CDH13: variants seen among roughly 807,000 people sequenced by gnomAD.
CDH13 encodes the protein cadherin 13, also known as cadherin-13.
A neutral mutation model predicts 63.8 loss-of-function variants in CDH13; 24 were observed. That is an observed-to-expected ratio of 0.38 (90% CI 0.27 to 0.53). The LOEUF is 0.53. Among genes scored for constraint, CDH13 ranks in the 20% least tolerant of loss-of-function variants. The pLI is 0.85. For missense variants in CDH13, 1,049 were observed against 903.1 expected (o/e 1.16, Z -2.07); for synonymous variants, 503 against 355.3 (o/e 1.42, Z -4.67).
chr16:83,147,378 T>G (rs923768237), intron 4 of CDH13, among the ~76,000 whole-genome samples: 1 of 152,182 alleles, frequency 6.6e-6, no homozygotes, highest in East Asian at 1.9e-4. Context: ...CCTGCACCCT[T>G]GCATCTCCTA....
intron 10 of CDH13, among the ~76,000 whole-genome samples, chr16:83,713,429 T>TGG (rs1394180981): frequency 6.6e-6 from 1 of 151,270 alleles, no homozygotes; most frequent in Non-Finnish European, 1.5e-5. Context: ...TATACAGAGT[T>TGG]GGGGAGGGAG....
At chr16:83,340,291 T>C (rs1378181624) in intron 5 of CDH13, among the ~76,000 whole-genome samples, 3 of 130,498 alleles carry the variant, frequency 2.3e-5, no homozygotes, top group Non-Finnish European at 3.2e-5. Flanking sequence ...TGTACATATG[T>C]CTGCCTACAT....
At chr16:82,678,167 T>A (rs1381682136) in intron 1 of CDH13, among the ~76,000 whole-genome samples, 1 of 152,114 alleles carries the variant, frequency 6.6e-6, no homozygotes, top group African/African-American at 2.4e-5. Context: ...TGGCCAAACA[T>A]GCTGTGTATT....
chr16:83,561,228 C>T (rs893614787), intron 7 of CDH13, among the ~76,000 whole-genome samples: 2 of 151,792 alleles, frequency 1.3e-5, no homozygotes, highest in Non-Finnish European at 2.9e-5. Context: ...GGGCAGTTCA[C>T]CTGAGGTTGG....
chr16:83,519,303 G>A lies in CDH13; in HGVS notation c.960+32648G>A, dbSNP rs1035709874. Among the ~76,000 whole-genome samples, 4 of 152,174 alleles carry A rather than the reference G, an allele frequency of 2.6e-5. No homozygotes were observed. In the East Asian group the frequency reaches 7.7e-4, roughly 29 times the overall value. ...AGCATTGGAGTCCAGTGATATCCAA[G>A]GGCCTTTATCAGGAAAACTGCAACA... On this transcript the variant is annotated intron_variant, in intron 7 of 13. Coordinates refer to ENST00000567109, the MANE Select transcript of CDH13 (RefSeq NM_001257.5).
chr16:83,324,028 T>TTTG (rs145755687), intron 5 of CDH13, among the ~76,000 whole-genome samples: 1 of 142,564 alleles, frequency 7.0e-6, no homozygotes, highest in East Asian at 2.0e-4. Context: ...CACAGGTTTA[T>TTTG]TTCTTCTTCT....
intron 12 of CDH13, among the ~76,000 whole-genome samples, chr16:83,781,600 T>C (rs1406050547): frequency 6.6e-6 from 1 of 152,252 alleles, no homozygotes; most frequent in East Asian, 1.9e-4. Context: ...GTCTATTTTA[T>C]TGCTTTTTAA....
intron 1 of CDH13, among the ~76,000 whole-genome samples, chr16:82,742,608 A>G (rs1322242863): frequency 6.6e-6 from 1 of 152,188 alleles, no homozygotes; most frequent in Non-Finnish European, 1.5e-5. Flanking sequence ...TAATTTAAAT[A>G]TGAAATTCTG....
At chr16:83,096,977 C>G (rs937825060) in intron 3 of CDH13, among the ~76,000 whole-genome samples, 12 of 151,886 alleles carry the variant, frequency 7.9e-5, no homozygotes, top group African/African-American at 2.9e-4. Flanking sequence ...ATATCTTGGT[C>G]CTGTCCTTTG....
intron 4 of CDH13, among the ~76,000 whole-genome samples, chr16:83,205,948 G>A (rs1053288048): frequency 6.6e-5 from 10 of 152,072 alleles, no homozygotes; most frequent in Non-Finnish European, 1.3e-4. Flanking sequence ...AACTGACCAT[G>A]AGGCTGAGCG....
chr16:83,571,382 T>A (rs1414187164), intron 7 of CDH13, among the ~76,000 whole-genome samples: 1 of 152,168 alleles, frequency 6.6e-6, no homozygotes, highest in Non-Finnish European at 1.5e-5. Flanking sequence ...CAGCTTGATG[T>A]TGGGCCAAGT....
In CDH13 at chr16:83,173,264, G is replaced by T. The variant is rs540740774; in HGVS notation, c.484-44081G>T. 5.9e-5 allele frequency among the ~76,000 whole-genome samples: 9 copies of T among 152,130 alleles called. 1 individual carries two copies. In the South Asian group the frequency reaches 1.9e-3, roughly 32 times the overall value. On this transcript the variant is annotated intron_variant, in intron 4 of 13. Coordinates refer to ENST00000567109, the MANE Select transcript of CDH13 (RefSeq NM_001257.5). ...TTTGAACTCAGGCAGTCTGACCCTGGGGGTGACATTTAAACTACTTTATTG... is the reference window on the plus strand; with the variant it reads ...TTTGAACTCAGGCAGTCTGACCCTGTGGGTGACATTTAAACTACTTTATTG...
At chr16:82,668,003 C>T (rs1366981317) in intron 1 of CDH13, among the ~76,000 whole-genome samples, 4 of 152,148 alleles carry the variant, frequency 2.6e-5, no homozygotes, top group Admixed American at 6.5e-5. Flanking sequence ...GCATCTATCG[C>T]GACACCATTA....
intron 6 of CDH13, among the ~76,000 whole-genome samples, chr16:83,468,088 A>G (rs114202574): frequency 0.025 from 3,863 of 152,256 alleles, 169 homozygotes; most frequent in African/African-American, 0.087. Context: ...TGGCACCGTG[A>G]ACTTGAAATC....
At chr16:82,747,094 A>G (rs1005952718) in intron 1 of CDH13, among the ~76,000 whole-genome samples, 2 of 152,234 alleles carry the variant, frequency 1.3e-5, no homozygotes, top group East Asian at 3.9e-4. Context: ...CTTTCTCAAT[A>G]CAATGAGTTT....
chr16:83,340,646 G>A (rs76844981), intron 5 of CDH13, among the ~76,000 whole-genome samples: 33,587 of 152,038 alleles, frequency 0.22, 3,816 homozygotes, highest in East Asian at 0.36. Flanking sequence ...AGACAGGACC[G>A]AGGAGCCTGC....
intron 2 of CDH13, among the ~76,000 whole-genome samples, chr16:82,950,251 G>T (rs750136835): frequency 2.6e-5 from 4 of 152,028 alleles, no homozygotes; most frequent in Admixed American, 6.6e-5. Flanking sequence ...GCTTATAGCC[G>T]CATCATCCCA....
In CDH13 at chr16:82,792,373, T is replaced by G. The variant is rs140770867; in HGVS notation, c.46-65989T>G. Among the ~76,000 whole-genome samples, 31 of 152,204 alleles carry G rather than the reference T, an allele frequency of 2.0e-4. No homozygotes were observed. In the East Asian group the frequency reaches 6.0e-3, roughly 29 times the overall value. On this transcript the variant is annotated intron_variant, in intron 1 of 13. Coordinates refer to ENST00000567109, the MANE Select transcript of CDH13 (RefSeq NM_001257.5). ...ACTATTTGATATTTGTGCGTGGGTG[T>G]GTGTGTGGGGCGTCATATATCCCTC...
chr16:83,517,725 A>G (rs1419903259), intron 7 of CDH13, among the ~76,000 whole-genome samples: 2 of 152,208 alleles, frequency 1.3e-5, no homozygotes, highest in Non-Finnish European at 2.9e-5. Flanking sequence ...CAAAAATGCT[A>G]AAGGAGAGAA....
Sources: gnomAD v4.1 joint callset for allele counts (sites outside exome capture counted in the v4.1 genomes callset) on GRCh38, gnomAD v4.1.1 for gene constraint, MANE v1.5 for transcripts, NCBI Gene and HGNC (gene_info 2026-07-23, HGNC 2026-07-21) for gene names.